TAOK3: variants seen among roughly 807,000 people sequenced by gnomAD.
The protein encoded by TAOK3 is serine/threonine-protein kinase TAO3.
Under a neutral mutation model 120.4 loss-of-function variants are expected in TAOK3, and 40 were observed. The observed-to-expected ratio is 0.33, with a 90% CI of 0.26 to 0.43. The LOEUF (loss-of-function observed/expected upper bound fraction) is 0.43. TAOK3 is among the 20% of genes least tolerant of loss of function. The pLI is 1.00. For synonymous variants in TAOK3, 355 were observed against 387.5 expected, an observed-to-expected ratio of 0.92 and a Z score of 0.99; for missense variants, 821 against 1,112.1, an observed-to-expected ratio of 0.74 and a Z score of 3.72.
intron 1 of TAOK3, among the ~76,000 whole-genome samples, chr12:118,332,897 C>T (rs978120421): frequency 6.6e-6 from 1 of 151,896 alleles, no homozygotes. Flanking sequence ...GAAAAAGAGA[C>T]ATCACATAGT....
chr12:118,364,467 T>A (rs1005531303), intron 1 of TAOK3, among the ~76,000 whole-genome samples: 1 of 152,180 alleles, frequency 6.6e-6, no homozygotes, highest in African/African-American at 2.4e-5. Context: ...CCTTTGGAAG[T>A]CATTTATCCT....
chr12:118,208,001 G>C (rs1187209338), intron 11 of TAOK3, among the ~76,000 whole-genome samples: 2 of 151,630 alleles, frequency 1.3e-5, no homozygotes, highest in East Asian at 3.9e-4. Context: ...ATTATTAAAG[G>C]CTTTACGAGA....
At position 118,161,294 on chromosome 12, in the gene TAOK3, C is replaced by T. The variant is rs2035202070; in HGVS notation, c.2139+494G>A. Among the ~76,000 whole-genome samples the T allele has an allele frequency of 6.6e-6, 1 of 152,246 alleles. No individual in the cohort carries two copies. Among genetic ancestry groups the T allele is most frequent in the African/African-American group, 2.4e-5 (1 of 41,468 alleles). ...GGGCTACAGGAGTTCCTCCACATCT[C>T]TGCATCTCTAGTGCAGAAGTGGTAA... is the stretch of plus-strand genomic sequence containing the variant. On this transcript the variant is annotated intron_variant, in intron 18 of 20. Transcript: ENST00000392533. This position sits in a 1 kb window ranked among gnomAD's most constrained non-coding sequence, Gnocchi z 4.5.
intron 1 of TAOK3, among the ~76,000 whole-genome samples, chr12:118,285,201 C>G (rs1435120413): frequency 3.9e-5 from 6 of 151,918 alleles, no homozygotes; most frequent in Admixed American, 2.6e-4. Context: ...CGCCACCATA[C>G]CTGGCTAATT....
intron 10 of TAOK3, among the ~76,000 whole-genome samples, 175 bp downstream of exon 10, chr12:118,213,842 T>G (rs907519806): frequency 1.3e-5 from 2 of 152,164 alleles, no homozygotes; most frequent in African/African-American, 4.8e-5. Flanking sequence ...AGAAAATCTA[T>G]GCATGTGTGC....
In TAOK3 at chr12:118,152,335, G is replaced by T. The variant is rs2034506977; in HGVS notation, c.2427C>A (p.Leu809=). ...RLQLQQEMEL[L]NAYQSKIKMQ... is the part of the protein sequence containing the mutation. ...TCTTGATTTTGCTCTGGTAGGCGTT[G>T]AGCAGCTCCATTTCCTGCTGGAGCT... Residue 809 remains leucine, a synonymous_variant, in exon 20 of 21, where the codon CTC becomes CTA. Coordinates refer to ENST00000392533, the MANE Select transcript of TAOK3 (RefSeq NM_016281.4). The T allele has an allele frequency of 6.2e-7, 1 of 1,614,130 alleles. No individual in the cohort carries two copies. The highest frequency in any genetic ancestry group is 8.5e-7 in the Non-Finnish European group (1 of 1,180,026).
intron 1 of TAOK3, among the ~76,000 whole-genome samples, chr12:118,329,643 T>C (rs1017195644): frequency 7.0e-6 from 1 of 142,526 alleles, no homozygotes; most frequent in African/African-American, 2.5e-5. Context: ...TTCTATGACT[T>C]TGGTTTTTTC....
At position 118,155,143 on chromosome 12, in the gene TAOK3, G is replaced by A. The variant is rs137878467; in HGVS notation, c.2353-2734C>T. Among the ~76,000 whole-genome samples, 1,314 of 152,056 alleles carry A rather than the reference G, an allele frequency of 8.6e-3. 11 individuals are homozygous for A. The highest frequency in any genetic ancestry group is 0.029 in the African/African-American group (1,209 of 41,500). On this transcript the variant is annotated intron_variant, in intron 19 of 20. Coordinates refer to ENST00000392533, the MANE Select transcript of TAOK3 (RefSeq NM_016281.4). ...CCTGAGTAGCTGGGATTACAGGCAC[G>A]TGCCACCATGCCTAGCTAATTTTTG...
In TAOK3 at chr12:118,287,063, G is replaced by A. The variant is rs150099488; in HGVS notation, c.-193-20304C>T. 3.5e-3 allele frequency among the ~76,000 whole-genome samples: 531 copies of A among 152,142 alleles called. 4 individuals are homozygous for A. Among genetic ancestry groups the A allele is most frequent in the African/African-American group, 0.013 (519 of 41,510 alleles). ...ATGACACAATGGACTTTGGGGACTC[G>A]GGGAAAGGACGGGAAGGGGGTGAGG... On this transcript the variant is annotated intron_variant, in intron 1 of 20. Transcript: ENST00000392533.
chr12:118,280,967 T>A (rs865951125), intron 1 of TAOK3, among the ~76,000 whole-genome samples: 6 of 152,146 alleles, frequency 3.9e-5, no homozygotes, highest in South Asian at 2.1e-4. Context: ...CTATTTTGAA[T>A]GGGATTGCAT....
At chr12:118,221,999 A>G (rs202211431) in intron 9 of TAOK3, among the ~76,000 whole-genome samples, 1 of 136,648 alleles carries the variant, frequency 7.3e-6, no homozygotes, top group Non-Finnish European at 1.5e-5. Flanking sequence ...TAGCTACATT[A>G]AAAGAAAAAA....
chr12:118,193,049 G>GTTTTTTT lies in TAOK3; in HGVS notation c.1195-3115_1195-3109dup, dbSNP rs11380296. ...AACCTGGTAAACTTACCACGTTGTT[G>GTTTTTTT]TTTTTTTTTTTTTTTTTTTTTGAGA... On this transcript the variant is annotated intron_variant, in intron 13 of 20. Coordinates refer to ENST00000392533, the MANE Select transcript of TAOK3 (RefSeq NM_016281.4). Among the ~76,000 whole-genome samples the GTTTTTTT allele has an allele frequency of 2.1e-3, 230 of 107,370 alleles. 9 individuals carry two copies. Among genetic ancestry groups the GTTTTTTT allele is most frequent in the East Asian group, 0.011 (37 of 3,510 alleles). 70.4% of individuals were successfully genotyped at this position (107,370 alleles called of 152,430 possible). A position where few individuals can be genotyped will look rare whatever the true frequency, so the allele number is the denominator to read the frequency against.
chr12:118,158,579 A>G (rs1276392629), intron 19 of TAOK3, among the ~76,000 whole-genome samples: 2 of 152,126 alleles, frequency 1.3e-5, no homozygotes, highest in Non-Finnish European at 1.5e-5. Flanking sequence ...TGCCTCCTAA[A>G]TATTTCTTAA....
intron 1 of TAOK3, among the ~76,000 whole-genome samples, chr12:118,312,012 G>A (rs1566101324): frequency 6.6e-6 from 1 of 152,170 alleles, no homozygotes; most frequent in Non-Finnish European, 1.5e-5. Flanking sequence ...GACATGGGTG[G>A]AGAATTGAGG....
At chr12:118,247,072 A>C in intron 3 of TAOK3, 1 of 552,982 alleles carries the variant, frequency 1.8e-6, no homozygotes, top group Non-Finnish European at 3.1e-6. Flanking sequence ...GTGCTATCTG[A>C]TAGAACTTTC....
Position 118,160,085 on chromosome 12 carries a change from A to C in TAOK3, c.2352+61T>G. On this transcript the variant is annotated intron_variant, in intron 19 of 20. Coordinates refer to ENST00000392533, the MANE Select transcript of TAOK3 (RefSeq NM_016281.4). The surrounding 1 kb of genome is among the most constrained non-coding windows in gnomAD (Gnocchi z 4.2). The stretch of plus-strand genomic sequence containing the variant: ...AATCATCTTGGGAACAACAGGCTGG[A>C]TCTTGGATTTTCTTGATTCCCAAAG... The C allele has an allele frequency of 3.0e-6, 4 of 1,324,798 alleles. No homozygotes were observed. The highest frequency in any genetic ancestry group is 3.3e-6 in the Non-Finnish European group (3 of 919,242). The allele number at this position is 1,324,798 out of a possible 1,614,324, so 82.1% of individuals were successfully genotyped here.
chr12:118,318,202 G>C (rs1438489699), intron 1 of TAOK3, among the ~76,000 whole-genome samples: 1 of 149,228 alleles, frequency 6.7e-6, no homozygotes, highest in Non-Finnish European at 1.5e-5. Flanking sequence ...TCTGTCACCA[G>C]GCTGGAGCGC....
intron 17 of TAOK3, among the ~76,000 whole-genome samples, chr12:118,164,198 G>A (rs2035424508): frequency 6.6e-6 from 1 of 151,060 alleles, no homozygotes; most frequent in Non-Finnish European, 1.5e-5. Context: ...CTGGTGGCGG[G>A]CACCTGTAGT....
chr12:118,169,862 A>C (rs927489077), intron 17 of TAOK3, among the ~76,000 whole-genome samples: 18 of 151,876 alleles, frequency 1.2e-4, no homozygotes, highest in Non-Finnish European at 1.9e-4. Context: ...CTGGGACTAC[A>C]GATGCCTGCC....
Sources: gnomAD v4.1 joint callset for allele counts (sites outside exome capture counted in the v4.1 genomes callset) on GRCh38, gnomAD v4.1.1 for gene constraint, Gnocchi (gnomAD v3.1) non-coding constraint, MANE v1.5 for transcripts, NCBI Gene and HGNC (gene_info 2026-07-23, HGNC 2026-07-21) for gene names.